TRIOBP: variants seen among roughly 807,000 people sequenced by gnomAD.
The protein encoded by TRIOBP is TRIO and F-actin-binding protein.
TRIOBP carries 169 observed loss-of-function variants against 238.8 expected under a neutral mutation model. That is an observed-to-expected ratio of 0.71 (90% CI 0.62 to 0.80). TRIOBP has a LOEUF of 0.80. TRIOBP is among the 30% of genes least tolerant of loss of function. The probability of loss-of-function intolerance (pLI) is 0.00; values close to 1 mark genes in which losing one functional copy is unlikely to be tolerated. For synonymous variants in TRIOBP, 1,150 were observed against 1,274.4 expected (o/e 0.90, Z 2.08); for missense variants, 2,838 against 3,122.6 (o/e 0.91, Z 2.17).
At chr22:37,716,062 TTTG>T in intron 6 of TRIOBP, 128 bp downstream of exon 6, 2 of 920,076 alleles carry the variant, frequency 2.2e-6, no homozygotes, top group African/African-American at 1.6e-5. Flanking sequence ...ATAGTAACAG[TTTG>T]CATGTCATGA....
At chr22:37,768,800 T>TC (rs1601669075) in intron 19 of TRIOBP, among the ~76,000 whole-genome samples, 1 of 146,974 alleles carries the variant, frequency 6.8e-6, no homozygotes, top group East Asian at 2.0e-4. Context: ...AGAGCAAGAC[T>TC]CCATCTAAAA....
At position 37,734,864 on chromosome 22, in the gene TRIOBP, A is replaced by G. The variant is rs779205420; in HGVS notation, c.4528A>G (p.Ser1510Gly). 1.2e-6 allele frequency: 2 copies of G among 1,612,910 alleles called. No homozygotes were observed. The highest frequency in any genetic ancestry group is 2.7e-5 in the African/African-American group (2 of 74,918). The change falls in exon 9 of 24, where the codon AGC becomes GGC. Residue 1510 changes from serine to glycine, a missense_variant. By Grantham distance (56) the Ser-to-Gly change is moderately conservative. Around this residue, in one of 5 missense-constraint regions of TRIOBP, gnomAD observed 2,096 missense variants for 2,137.4 expected, o/e 0.98. Coordinates refer to ENST00000644935, the MANE Select transcript of TRIOBP (RefSeq NM_001039141.3). Reference protein sequence around the residue: ...HELPRELGKRSPLTSPPENWG... With the variant: ...HELPRELGKRGPLTSPPENWG... ...GCTCCCCAGAGAACTAGGAAAGAGA[A>G]GCCCACTCACGAGCCCCCCTGAGAA...
intron 5 of TRIOBP, 64 bp downstream of exon 5, chr22:37,713,475 C>A: frequency 6.4e-7 from 1 of 1,565,910 alleles, no homozygotes. Context: ...AGCCCTGGGT[C>A]CCACCTAAAC....
chr22:37,741,383 G>A (rs940548045), intron 11 of TRIOBP, among the ~76,000 whole-genome samples: 6 of 152,202 alleles, frequency 3.9e-5, no homozygotes, highest in African/African-American at 1.2e-4. Context: ...AAGTGGCTCT[G>A]GGATTGCAAA....
chr22:37,744,535 G>A (rs551216740), intron 11 of TRIOBP, among the ~76,000 whole-genome samples: 15 of 152,132 alleles, frequency 9.9e-5, no homozygotes, highest in Non-Finnish European at 1.9e-4. Flanking sequence ...ACTGTGTTGC[G>A]GGTACTAGGA....
intron 6 of TRIOBP, among the ~76,000 whole-genome samples, chr22:37,716,469 GC>G (rs1923525838): frequency 6.6e-6 from 1 of 151,984 alleles, no homozygotes; most frequent in African/African-American, 2.4e-5. Flanking sequence ...TCACACTGTT[GC>G]CCAGACTGGA....
chr22:37,715,349 T>TTTG (rs1923458628), intron 5 of TRIOBP, among the ~76,000 whole-genome samples: 1 of 150,400 alleles, frequency 6.6e-6, no homozygotes, highest in African/African-American at 2.5e-5. Flanking sequence ...TTTGTTTTTC[T>TTTG]TTTTGTTTTT....
chr22:37,710,587 C>T lies in TRIOBP; in HGVS notation c.254+21C>T, dbSNP rs753911469. The T allele has an allele frequency of 2.5e-6, 4 of 1,603,696 alleles. No individual in the cohort carries two copies. The African/African-American group carries it at 4.0e-5, about 16-fold the overall frequency. ...AAGAGGTGGGTAGAGTCCCAGGGCC[C>T]AGGAAGGGCTTCATGGGGTGGAATG... On this transcript the variant is annotated intron_variant, in intron 4 of 23. Coordinates refer to ENST00000644935, the MANE Select transcript of TRIOBP (RefSeq NM_001039141.3).
chr22:37,730,407 C>A (rs1400049863), intron 7 of TRIOBP, among the ~76,000 whole-genome samples: 2 of 152,180 alleles, frequency 1.3e-5, no homozygotes, highest in East Asian at 3.9e-4. Context: ...GAATGCTCAT[C>A]AAGCAAGCTG....
Position 37,726,496 on chromosome 22 carries a change from G to T in TRIOBP, c.3940G>T (p.Glu1314Ter). 1 of 1,503,206 alleles carries T rather than the reference G, an allele frequency of 6.7e-7. No individual in the cohort carries two copies. The highest frequency in any genetic ancestry group is 8.8e-7 in the Non-Finnish European group (1 of 1,132,058). 93.1% of individuals were successfully genotyped at this position (1,503,206 alleles called of 1,614,324 possible). The change falls in exon 7 of 24, where the codon GAG (glutamate) becomes TAG (stop). Residue 1314 changes from glutamate to a stop codon, truncating the protein, a stop_gained. Transcript: ENST00000644935. LOFTEE classifies it high-confidence loss of function. The part of the protein sequence containing the change: ...RAEVERLFGQ[E>*]RRKSEAAGAF... The stretch of plus-strand genomic sequence containing the variant: ...AGAGGTGGAGCGCCTCTTCGGGCAA[G>T]AGCGCAGGTGAGCCCGGGGGTGGGG...
In TRIOBP at chr22:37,715,713, G is replaced by A. The variant is rs766069137; in HGVS notation, c.457-50G>A. 26 of 1,592,582 alleles carry A rather than the reference G, an allele frequency of 1.6e-5. 1 individual carries two copies. Among genetic ancestry groups the A allele is most frequent in the South Asian group, 1.2e-4 (11 of 88,498 alleles). ...CTCTCATTTGGAGAGTATATGTCCT[G>A]CAGCCTTTTTTCTCCCGCAAACATA... On this transcript the variant is annotated intron_variant, in intron 5 of 23. Coordinates refer to ENST00000644935, the MANE Select transcript of TRIOBP (RefSeq NM_001039141.3).
At chr22:37,751,555 C>CT (rs753040252) in intron 11 of TRIOBP, 1 of 596,038 alleles carries the variant, frequency 1.7e-6, no homozygotes, top group Non-Finnish European at 3.0e-6. Flanking sequence ...TCTTGGCTCT[C>CT]TGAGTGCCAC....
chr22:37,717,208 C>T (rs766781387), intron 6 of TRIOBP, among the ~76,000 whole-genome samples: 4 of 152,162 alleles, frequency 2.6e-5, no homozygotes, highest in African/African-American at 9.7e-5. Flanking sequence ...TTGTTCTTTC[C>T]TCCCTGTGGG....
intron 5 of TRIOBP, 34 bp downstream of exon 5, chr22:37,713,445 T>A: frequency 6.2e-7 from 1 of 1,605,804 alleles, no homozygotes; most frequent in South Asian, 1.1e-5. Context: ...GGGACAAGAG[T>A]GGCTCACACC....
intron 19 of TRIOBP, among the ~76,000 whole-genome samples, chr22:37,768,514 T>C (rs950211422): frequency 3.9e-5 from 6 of 152,124 alleles, no homozygotes; most frequent in African/African-American, 1.4e-4. Context: ...TTTCAGGGGC[T>C]TTAACTTTAA....
intron 19 of TRIOBP, among the ~76,000 whole-genome samples, chr22:37,768,465 C>T (rs1926607935): frequency 1.3e-5 from 2 of 152,188 alleles, no homozygotes; most frequent in Admixed American, 6.5e-5. Flanking sequence ...GACCACTAGG[C>T]CTCTCCCTGC....
At position 37,757,870 on chromosome 22, in the gene TRIOBP, G is replaced by T. The variant is rs375192209; in HGVS notation, c.5945G>T (p.Arg1982Leu). 3 of 1,552,614 alleles carry T rather than the reference G, an allele frequency of 1.9e-6. No homozygotes were observed. Among genetic ancestry groups the T allele is most frequent in the African/African-American group, 2.7e-5 (2 of 73,158 alleles). Residue 1982 changes from arginine to leucine, a missense_variant, in exon 16 of 24, where the codon CGC becomes CTC. Around this residue, in one of 5 missense-constraint regions of TRIOBP, gnomAD observed 2,096 missense variants for 2,137.4 expected, o/e 0.98. Coordinates refer to ENST00000644935, the MANE Select transcript of TRIOBP (RefSeq NM_001039141.3). ...GAGCTGGAGCGGGACCTGGCCCAGC[G>T]CTCCGAGGAGCGGCGCAAGTGGTTT... ...QEELERDLAQRSEERRKWFEA... is the reference protein window; with the variant it reads ...QEELERDLAQLSEERRKWFEA...
At chr22:37,710,633 A>C in intron 4 of TRIOBP, 67 bp downstream of exon 4, 1 of 1,546,774 alleles carries the variant, frequency 6.5e-7, no homozygotes, top group Non-Finnish European at 8.7e-7. Context: ...TCCCATTTGC[A>C]CTCCTTCCCC....
chr22:37,767,701 G>C (rs1926570963), intron 18 of TRIOBP, among the ~76,000 whole-genome samples: 1 of 152,194 alleles, frequency 6.6e-6, no homozygotes. Context: ...AGAGCCCTCA[G>C]AGTCTGCAGG....
Sources: gnomAD v4.1 joint callset for allele counts (sites outside exome capture counted in the v4.1 genomes callset) on GRCh38, gnomAD v4.1.1 for gene constraint, gnomAD v4.1.1 regional missense constraint, MANE v1.5 for transcripts, NCBI Gene and HGNC (gene_info 2026-07-23, HGNC 2026-07-21) for gene names.